Variants in CCDC149 observed in about 807,000 individuals in gnomAD.
The protein encoded by CCDC149 is coiled-coil domain-containing protein 149.
CCDC149 carries 45 observed loss-of-function variants against 59.9 expected under a neutral mutation model. That is an observed-to-expected ratio of 0.75 (90% CI 0.59 to 0.96). The LOEUF (loss-of-function observed/expected upper bound fraction) is 0.96, where lower values mean the gene tolerates loss of function less well. Among genes scored for constraint, CCDC149 ranks in the 40% least tolerant of loss-of-function variants. The pLI is 0.00. For missense variants in CCDC149, 584 were observed against 664.7 expected, an observed-to-expected ratio of 0.88 and a Z score of 1.33; for synonymous variants, 245 against 260.6, an observed-to-expected ratio of 0.94 and a Z score of 0.58.
At chr4:24,979,744 A>G (rs1274809672) in intron 1 of CCDC149, among the ~76,000 whole-genome samples, 1 of 152,140 alleles carries the variant, frequency 6.6e-6, no homozygotes, top group Non-Finnish European at 1.5e-5. Context: ...ATGGTGGCCA[A>G]GTTCTCATTG....
At chr4:24,860,199 T>A (rs1718284857) in intron 3 of CCDC149, among the ~76,000 whole-genome samples, 1 of 152,050 alleles carries the variant, frequency 6.6e-6, no homozygotes. Context: ...AACTATACCA[T>A]TAGGCCATAG....
At chr4:24,853,205 T>C (rs751669132) in intron 3 of CCDC149, 26 bp from the exon 4 acceptor site, 1 of 1,522,722 alleles carries the variant, frequency 6.6e-7, no homozygotes, top group East Asian at 2.3e-5. Flanking sequence ...CATTATGAAA[T>C]ACAATCAGAA....
At chr4:24,921,108 G>A (rs549701372) in intron 1 of CCDC149, among the ~76,000 whole-genome samples, 1 of 152,310 alleles carries the variant, frequency 6.6e-6, no homozygotes, top group South Asian at 2.1e-4. Flanking sequence ...CATAGTAGGT[G>A]CTTAATAAAT....
chr4:24,916,529 C>A (rs1397525788), upstream of CCDC149, among the ~76,000 whole-genome samples: 1 of 152,060 alleles, frequency 6.6e-6, no homozygotes, highest in Non-Finnish European at 1.5e-5. Context: ...GCGGGAAAGC[C>A]CTAAAGCTTT....
chr4:24,866,235 C>T (rs1211215476), intron 3 of CCDC149, among the ~76,000 whole-genome samples: 1 of 152,178 alleles, frequency 6.6e-6, no homozygotes, highest in African/African-American at 2.4e-5. Context: ...TAAGCCATCA[C>T]TTTTTAGAAG....
chr4:24,977,811 C>A (rs1724273823), intron 1 of CCDC149, among the ~76,000 whole-genome samples: 1 of 152,160 alleles, frequency 6.6e-6, no homozygotes, highest in South Asian at 2.1e-4. Flanking sequence ...AAGCTCAATA[C>A]ACACATAGTA....
intron 1 of CCDC149, among the ~76,000 whole-genome samples, chr4:24,911,632 G>A (rs1721876372): frequency 6.6e-6 from 1 of 152,176 alleles, no homozygotes; most frequent in African/African-American, 2.4e-5. Flanking sequence ...CAATACAATG[G>A]ATCATAACAC....
chr4:24,899,305 T>C lies in CCDC149; in HGVS notation c.63+13512A>G, dbSNP rs145269481. Among the ~76,000 whole-genome samples the C allele has an allele frequency of 4.0e-4, 61 of 152,214 alleles. No individual in the cohort carries two copies. The East Asian group carries it at 9.3e-3, about 23-fold the overall frequency. On this transcript the variant is annotated intron_variant, in intron 1 of 12. Transcript: ENST00000635206. ...CAAGGTAGACTTCACAGTGATACCA[T>C]TGAGGCGGGATGGAAGCAGGAAAGA...
chr4:24,853,587 C>CA (rs11291619), intron 3 of CCDC149, among the ~76,000 whole-genome samples: 5,848 of 92,060 alleles, frequency 0.064, 362 homozygotes, highest in African/African-American at 0.16. Flanking sequence ...GACTCCATTT[C>CA]AAAAAAAAAA....
chr4:24,818,486 G>A (rs1221854205), intron 12 of CCDC149, among the ~76,000 whole-genome samples: 1 of 152,202 alleles, frequency 6.6e-6, no homozygotes, highest in East Asian at 1.9e-4. Flanking sequence ...GCTGTGTAAC[G>A]AATTACATCA....
chr4:24,895,417 TGGAA>T (rs1720794702), intron 1 of CCDC149, among the ~76,000 whole-genome samples: 1 of 152,170 alleles, frequency 6.6e-6, no homozygotes, highest in Admixed American at 6.5e-5. Flanking sequence ...CATGGAAACA[TGGAA>T]GATTACAGCA....
At chr4:24,877,175 C>CTGTTTGTT (rs35214498) in intron 1 of CCDC149, among the ~76,000 whole-genome samples, 1 of 150,954 alleles carries the variant, frequency 6.6e-6, no homozygotes, top group African/African-American at 2.4e-5. Context: ...GGTTTTTTGT[C>CTGTTTGTT]TGTTTGTTTG....
chr4:24,822,893 G>T (rs1715503788), intron 9 of CCDC149: 1 of 197,580 alleles, frequency 5.1e-6, no homozygotes, highest in Non-Finnish European at 1.0e-5. Flanking sequence ...TTTGAGAAAT[G>T]CTCACTGCAA....
chr4:24,974,292 G>A (rs1051778069), intron 1 of CCDC149, among the ~76,000 whole-genome samples: 6 of 152,192 alleles, frequency 3.9e-5, no homozygotes, highest in Admixed American at 6.5e-5. Context: ...ACGTGAATTT[G>A]CCCCCGCCCT....
At chr4:24,813,528 A>ATATATATATATAT (rs1560197749) in intron 12 of CCDC149, among the ~76,000 whole-genome samples, 16 of 129,832 alleles carry the variant, frequency 1.2e-4, no homozygotes, top group Non-Finnish European at 2.0e-4. Context: ...ATATATATAT[A>ATATATATATATAT]AAACCTAAAA....
intron 1 of CCDC149, among the ~76,000 whole-genome samples, chr4:24,908,531 CAAAAAAAAA>C (rs5856870): frequency 2.7e-4 from 31 of 115,340 alleles, no homozygotes; most frequent in African/African-American, 8.4e-4. Flanking sequence ...TCTATCTCTA[CAAAAAAAAA>C]AAAAAAAAAA....
intron 12 of CCDC149, among the ~76,000 whole-genome samples, chr4:24,818,643 G>A (rs1170722534): frequency 6.6e-6 from 1 of 152,124 alleles, no homozygotes; most frequent in Non-Finnish European, 1.5e-5. Flanking sequence ...TTCCAGGATG[G>A]CTCACTCCAG....
In CCDC149 at chr4:24,808,612, T is replaced by C; in HGVS notation, c.1400A>G (p.Glu467Gly). The stretch of plus-strand genomic sequence containing the variant: ...CTCTTCCAGTTCTGCAGCTGCCTGT[T>C]CCTTTGTCAGTTTAATTATTTCCCT... Residue 467 changes from glutamate to glycine, a missense_variant, in exon 13 of 13, where the codon GAA (glutamate) becomes GGA (glycine). Coordinates refer to ENST00000635206, the MANE Select transcript of CCDC149 (RefSeq NM_001330643.2). 1.3e-6 allele frequency: 2 copies of C among 1,552,342 alleles called. No homozygotes were observed. The highest frequency in any genetic ancestry group is 1.7e-6 in the Non-Finnish European group (2 of 1,147,136).
intron 1 of CCDC149, among the ~76,000 whole-genome samples, chr4:24,949,537 C>A (rs1723218585): frequency 6.6e-6 from 1 of 152,190 alleles, no homozygotes; most frequent in Admixed American, 6.5e-5. Flanking sequence ...ACCAGTGGAG[C>A]ACCTCTACTG....
Sources: gnomAD v4.1 joint callset for allele counts (sites outside exome capture counted in the v4.1 genomes callset) on GRCh38, gnomAD v4.1.1 for gene constraint, MANE v1.5 for transcripts, NCBI Gene and HGNC (gene_info 2026-07-23, HGNC 2026-07-21) for gene names.